GRIK1: variants seen among roughly 807,000 people sequenced by gnomAD.
GRIK1 encodes the protein glutamate receptor ionotropic, kainate 1.
A neutral mutation model predicts 105.7 loss-of-function variants in GRIK1; 69 were observed. That is an observed-to-expected ratio of 0.65 (90% CI 0.54 to 0.80). GRIK1 has a LOEUF of 0.80. GRIK1 is among the 30% of genes least tolerant of loss of function. GRIK1 has a pLI of 0.00. For synonymous variants in GRIK1, 438 were observed against 431.3 expected (o/e 1.02, Z -0.19); for missense variants, 1,109 against 1,167.3 (o/e 0.95, Z 0.73).
chr21:29,925,275 C>A (rs1273751213), intron 1 of GRIK1, among the ~76,000 whole-genome samples: 1 of 152,126 alleles, frequency 6.6e-6, no homozygotes, highest in African/African-American at 2.4e-5. Flanking sequence ...CCAGACCCTC[C>A]CAACTCTGAA....
intron 4 of GRIK1, 100 bp downstream of exon 4, chr21:29,672,883 C>T (rs2063185523): frequency 1.2e-6 from 1 of 807,062 alleles, no homozygotes; most frequent in African/African-American, 1.7e-5. Flanking sequence ...GGGACTGCTG[C>T]AGTTTTATTA....
At chr21:29,928,675 T>A (rs2071465229) in intron 1 of GRIK1, among the ~76,000 whole-genome samples, 1 of 152,202 alleles carries the variant, frequency 6.6e-6, no homozygotes, top group Non-Finnish European at 1.5e-5. Context: ...AGAGACCAGA[T>A]GGAAAATGCG....
At chr21:29,809,613 C>A (rs2066955886) in intron 1 of GRIK1, among the ~76,000 whole-genome samples, 1 of 152,182 alleles carries the variant, frequency 6.6e-6, no homozygotes, top group Non-Finnish European at 1.5e-5. Context: ...GCTTTCTTAT[C>A]ATTTGTGTGT....
chr21:29,812,531 A>C (rs764324911), intron 1 of GRIK1, among the ~76,000 whole-genome samples: 5 of 152,172 alleles, frequency 3.3e-5, no homozygotes, highest in African/African-American at 4.8e-5. Flanking sequence ...TACATGTTCT[A>C]ACATCTGTCT....
At chr21:29,574,812 C>G (rs978595107) in intron 14 of GRIK1, among the ~76,000 whole-genome samples, 1 of 151,414 alleles carries the variant, frequency 6.6e-6, no homozygotes. Flanking sequence ...CTCAGCCTCC[C>G]GAGTAGCTGG....
chr21:29,866,698 C>T (rs468081), intron 1 of GRIK1, among the ~76,000 whole-genome samples: 41,631 of 151,998 alleles, frequency 0.27, 6,701 homozygotes, highest in African/African-American at 0.44. Flanking sequence ...TCAAAGATTA[C>T]GGCATGTCAT....
intron 11 of GRIK1, among the ~76,000 whole-genome samples, chr21:29,588,133 C>T (rs144679046): frequency 6.4e-4 from 97 of 151,652 alleles, no homozygotes; most frequent in Middle Eastern, 3.4e-3. Context: ...CACCACCACG[C>T]CTGGCTAATT....
chr21:29,838,567 A>G (rs1457229387), intron 1 of GRIK1, among the ~76,000 whole-genome samples: 3 of 152,176 alleles, frequency 2.0e-5, no homozygotes, highest in African/African-American at 7.2e-5. Context: ...ACTCAAAGAT[A>G]TTGCCTGCCT....
At chr21:29,930,367 A>C (rs980186355) in intron 1 of GRIK1, among the ~76,000 whole-genome samples, 2 of 152,198 alleles carry the variant, frequency 1.3e-5, no homozygotes, top group Admixed American at 6.5e-5. Context: ...GAAGTTTAAA[A>C]TTTAGGAAAA....
chr21:29,885,976 T>A (rs1291596271), intron 1 of GRIK1, among the ~76,000 whole-genome samples: 1 of 152,148 alleles, frequency 6.6e-6, no homozygotes, highest in Admixed American at 6.6e-5. Flanking sequence ...GATCAATGTA[T>A]GAATCCCTCA....
At chr21:29,908,334 AC>A (rs2070713409) in intron 1 of GRIK1, among the ~76,000 whole-genome samples, 2 of 152,074 alleles carry the variant, frequency 1.3e-5, no homozygotes, top group Non-Finnish European at 1.5e-5. Context: ...TTCTACTGTG[AC>A]CTTTTTCCCC....
At chr21:29,846,251 C>CA (rs144150738) in intron 1 of GRIK1, among the ~76,000 whole-genome samples, 103 of 151,676 alleles carry the variant, frequency 6.8e-4, no homozygotes, top group African/African-American at 2.3e-3. Flanking sequence ...TAGCCGGGCG[C>CA]GTGGCGCATG....
chr21:29,910,165 T>C (rs755892064), intron 1 of GRIK1, among the ~76,000 whole-genome samples: 3 of 152,186 alleles, frequency 2.0e-5, no homozygotes, highest in Non-Finnish European at 2.9e-5. Context: ...TATATACATT[T>C]ACTATGTACC....
chr21:29,610,755 T>C (rs941036203), intron 7 of GRIK1, among the ~76,000 whole-genome samples: 1 of 151,580 alleles, frequency 6.6e-6, no homozygotes, highest in Admixed American at 6.6e-5. Context: ...TAAAAAGCAA[T>C]AGGAAACTCA....
At chr21:29,556,060 G>C (rs1336328424) in intron 15 of GRIK1, among the ~76,000 whole-genome samples, 1 of 152,122 alleles carries the variant, frequency 6.6e-6, no homozygotes, top group East Asian at 1.9e-4. Flanking sequence ...CCTTAGACTG[G>C]TTCTGGTTGG....
At chr21:29,640,480 TC>T (rs1220603686) in intron 7 of GRIK1, among the ~76,000 whole-genome samples, 1 of 152,012 alleles carries the variant, frequency 6.6e-6, no homozygotes, top group Non-Finnish European at 1.5e-5. Flanking sequence ...TCTGATTCAT[TC>T]CCCCCTCCCT....
chr21:29,892,303 G>A (rs1569195520), intron 1 of GRIK1, among the ~76,000 whole-genome samples: 1 of 152,196 alleles, frequency 6.6e-6, no homozygotes, highest in East Asian at 1.9e-4. Context: ...CCTTTGAGAA[G>A]CTAGGAGGTA....
At chr21:29,913,779 A>G (rs772209597) in intron 1 of GRIK1, among the ~76,000 whole-genome samples, 5 of 151,604 alleles carry the variant, frequency 3.3e-5, no homozygotes, top group Non-Finnish European at 7.4e-5. Flanking sequence ...CTGAATATCA[A>G]TTGGTTTTTC....
At chr21:29,662,936 G>A (rs2062993045) in intron 4 of GRIK1, among the ~76,000 whole-genome samples, 2 of 152,050 alleles carry the variant, frequency 1.3e-5, no homozygotes, top group Admixed American at 6.6e-5. Context: ...TGATACTTAT[G>A]TACAGCCAGT....
Sources: allele counts gnomAD v4.1 joint callset (sites outside exome capture counted in the v4.1 genomes callset), GRCh38; gene constraint gnomAD v4.1.1; transcripts MANE v1.5; gene names NCBI Gene and HGNC (gene_info 2026-07-23, HGNC 2026-07-21).